KIF20B: variants seen among roughly 807,000 people sequenced by gnomAD.
The protein encoded by KIF20B is kinesin family member 20B, also known as kinesin-like protein KIF20B.
In KIF20B, 188 loss-of-function variants were observed where a neutral mutation model predicts 232.5. That is an observed-to-expected ratio of 0.81 (90% CI 0.72 to 0.91). The LOEUF (loss-of-function observed/expected upper bound fraction) is 0.91. Among genes scored for constraint, KIF20B ranks in the 40% least tolerant of loss-of-function variants. KIF20B has a pLI of 0.00. For synonymous variants in KIF20B, 712 were observed against 683.0 expected, an observed-to-expected ratio of 1.04 and a Z score of -0.66; for missense variants, 2,154 against 2,055.9, an observed-to-expected ratio of 1.05 and a Z score of -0.92.
At chr10:89,725,188 C>T (rs1843154874) in intron 15 of KIF20B, 30 bp downstream of exon 15, 1 of 1,607,666 alleles carries the variant, frequency 6.2e-7, no homozygotes, top group South Asian at 1.1e-5. Context: ...TAAAAATATC[C>T]AGTGAGGTTT....
At position 89,760,602 on chromosome 10, in the gene KIF20B, C is replaced by T. The variant is rs748491739; in HGVS notation, c.4757C>T (p.Ser1586Leu). The T allele has an allele frequency of 5.0e-5, 80 of 1,611,426 alleles. No homozygotes were observed. The highest frequency in any genetic ancestry group is 6.7e-5 in the East Asian group (3 of 44,824). The part of the protein sequence containing the change: ...DPDKLQTEPL[S>L]TSFEISRNKI... Reference sequence around the variant, plus strand: ...GACAAACTTCAAACTGAACCTCTATCGACAAGTTTTGAAATTTCCAGAAAT... The same window carrying T: ...GACAAACTTCAAACTGAACCTCTATTGACAAGTTTTGAAATTTCCAGAAAT... Residue 1586 changes from serine (S) to leucine (L), a missense_variant, in exon 28 of 33, where the codon TCG becomes TTG. By Grantham distance (145) the Ser-to-Leu change is moderately radical. Transcript: ENST00000371728.
At chr10:89,753,933 T>G (rs934226853) in intron 25 of KIF20B, among the ~76,000 whole-genome samples, 1 of 151,922 alleles carries the variant, frequency 6.6e-6, no homozygotes, top group Admixed American at 6.6e-5. Context: ...GTTTTTTAAG[T>G]GGTATTATTA....
At chr10:89,733,773 G>A (rs1249917543) in intron 19 of KIF20B, among the ~76,000 whole-genome samples, 1 of 152,152 alleles carries the variant, frequency 6.6e-6, no homozygotes, top group African/African-American at 2.4e-5. Context: ...GCTGGACAGT[G>A]TAAATTATAC....
chr10:89,712,056 T>C (rs1842845560), intron 6 of KIF20B, among the ~76,000 whole-genome samples: 2 of 152,050 alleles, frequency 1.3e-5, no homozygotes, highest in African/African-American at 2.4e-5. Context: ...GATTAGTACA[T>C]CTTAGAATTT....
chr10:89,739,889 TGTACA>T (rs1841758536), intron 21 of KIF20B, among the ~76,000 whole-genome samples: 1 of 152,226 alleles, frequency 6.6e-6, no homozygotes, highest in Non-Finnish European at 1.5e-5. Context: ...AGATTGATTT[TGTACA>T]GTCGTAATTA....
intron 13 of KIF20B, chr10:89,723,434 A>G (rs1014177770): frequency 6.6e-6 from 1 of 152,244 alleles, no homozygotes; most frequent in Non-Finnish European, 1.5e-5. Context: ...TAGTTATAAA[A>G]GCCTAATATA....
At chr10:89,737,096 G>A (rs918312540) in intron 19 of KIF20B, among the ~76,000 whole-genome samples, 2 of 152,046 alleles carry the variant, frequency 1.3e-5, no homozygotes, top group African/African-American at 4.8e-5. Flanking sequence ...AATACTGAAA[G>A]TTAGAAATAG....
intron 2 of KIF20B, among the ~76,000 whole-genome samples, chr10:89,706,010 T>A (rs1211107638): frequency 6.6e-6 from 1 of 152,208 alleles, no homozygotes; most frequent in Non-Finnish European, 1.5e-5. Flanking sequence ...TTTTGTGAAC[T>A]TGTGTTTTCA....
At chr10:89,768,693 C>G (rs1842410780) in intron 30 of KIF20B, 45 bp from the exon 31 acceptor site, 2 of 1,523,182 alleles carry the variant, frequency 1.3e-6, no homozygotes, top group African/African-American at 2.8e-5. Flanking sequence ...CTATTTCCTT[C>G]TAACACTTCT....
chr10:89,739,204 A>G, intron 21 of KIF20B, 108 bp downstream of exon 21: 1 of 1,226,660 alleles, frequency 8.2e-7, no homozygotes, highest in Non-Finnish European at 1.1e-6. Flanking sequence ...TATCCACTTT[A>G]TAATTTTTCT....
chr10:89,755,575 CTTCCCT>C (rs1175212502), intron 26 of KIF20B, among the ~76,000 whole-genome samples: 3 of 151,200 alleles, frequency 2.0e-5, no homozygotes, highest in East Asian at 1.9e-4. Flanking sequence ...TCCCCTTCCC[CTTCCCT>C]TTCCCTTTCC....
At chr10:89,721,779 T>G (rs992018526) in intron 13 of KIF20B, among the ~76,000 whole-genome samples, 12 of 152,162 alleles carry the variant, frequency 7.9e-5, no homozygotes, top group African/African-American at 2.9e-4. Flanking sequence ...AGAAAAATAT[T>G]TAATGCTATA....
chr10:89,758,892 C>G lies in KIF20B; in HGVS notation c.4680+10C>G, dbSNP rs1842184615. 6.8e-7 allele frequency: 1 copy of G among 1,468,098 alleles called. No individual in the cohort carries two copies. Among genetic ancestry groups the G allele is most frequent in the Admixed American group, 2.3e-5 (1 of 42,942 alleles). The allele number at this position is 1,468,098 out of a possible 1,614,324, so 90.9% of individuals were successfully genotyped here. On this transcript the variant is annotated intron_variant, in intron 27 of 32. Coordinates refer to ENST00000371728, the MANE Select transcript of KIF20B (RefSeq NM_001284259.2). ...AGAGACTTCTAAAATAGTCAGTAGT[C>G]TTTTTTGCTATGCCTTTTTAATTGA...
rs1214821603 is a variant in KIF20B at position 89,715,954 on chromosome 10, GC to G, written c.941-481del. On this transcript the variant is annotated intron_variant, in intron 8 of 32. Transcript: ENST00000371728. ...TGTAGAGAGCCATGATCACGCCTTT[GC>G]ACTCCAGGCTGGGCAACAGAGTGAA... Among the ~76,000 whole-genome samples, 5 of 151,912 alleles carry G rather than the reference GC, an allele frequency of 3.3e-5. No individual in the cohort carries two copies. The East Asian group carries it at 9.6e-4, about 29-fold the overall frequency.
In KIF20B at chr10:89,714,837, T is replaced by C. The variant is rs1415483623; in HGVS notation, c.713-118T>C. 3 of 653,092 alleles carry C rather than the reference T, an allele frequency of 4.6e-6. No individual in the cohort carries two copies. The Admixed American group carries it at 1.0e-4, about 22-fold the overall frequency. The allele number at this position is 653,092 out of a possible 1,614,324, so 40.5% of individuals were successfully genotyped here. A position where few individuals can be genotyped will look rare whatever the true frequency, so the allele number is the denominator to read the frequency against. On this transcript the variant is annotated intron_variant, in intron 7 of 32. Transcript: ENST00000371728. ...TGTTCCAAAAAGTTTTTAACATAGATGGTCAAAAGATTAAGCATACTTGGT... is the reference window on the plus strand; with the variant it reads ...TGTTCCAAAAAGTTTTTAACATAGACGGTCAAAAGATTAAGCATACTTGGT...
At chr10:89,742,967 C>T (rs185244285) in intron 21 of KIF20B, among the ~76,000 whole-genome samples, 47 of 152,294 alleles carry the variant, frequency 3.1e-4, no homozygotes, top group Non-Finnish European at 5.3e-4. Flanking sequence ...TCCCAGAGTG[C>T]TGGTATTACA....
intron 18 of KIF20B, among the ~76,000 whole-genome samples, chr10:89,730,317 TGTG>T (rs1843289782): frequency 6.6e-6 from 1 of 152,144 alleles, no homozygotes; most frequent in Non-Finnish European, 1.5e-5. Flanking sequence ...AAGAAACACT[TGTG>T]GAGTGTCCAA....
chr10:89,721,133 C>T (rs994416108), intron 13 of KIF20B, among the ~76,000 whole-genome samples: 1 of 152,198 alleles, frequency 6.6e-6, no homozygotes. Flanking sequence ...CATCACACAT[C>T]ACAGTACTCT....
In KIF20B at chr10:89,762,765, C is replaced by G. The variant is rs368820868; in HGVS notation, c.4919C>G (p.Pro1640Arg). 10 of 1,613,432 alleles carry G rather than the reference C, an allele frequency of 6.2e-6. No homozygotes were observed. The highest frequency in any genetic ancestry group is 8.5e-6 in the Non-Finnish European group (10 of 1,179,632). Residue 1640 changes from proline to arginine, a missense_variant, in exon 29 of 33, where the codon CCT becomes CGT. Physicochemically the swap from Pro to Arg is moderately radical, Grantham distance 103. Coordinates refer to ENST00000371728, the MANE Select transcript of KIF20B (RefSeq NM_001284259.2). Reference sequence around the variant, plus strand: ...CCAAACAAAATGGCAGTGAAACACCCTGGTTGTACCACACCAGTGACAGTT... The same window carrying G: ...CCAAACAAAATGGCAGTGAAACACCGTGGTTGTACCACACCAGTGACAGTT... ...LQPNKMAVKH[P>R]GCTTPVTVKI...
Sources: gnomAD v4.1 joint callset for allele counts (sites outside exome capture counted in the v4.1 genomes callset) on GRCh38, gnomAD v4.1.1 for gene constraint, MANE v1.5 for transcripts, NCBI Gene and HGNC (gene_info 2026-07-23, HGNC 2026-07-21) for gene names.